TMEM161B: variants seen among roughly 807,000 people sequenced by gnomAD.
TMEM161B encodes transmembrane protein 161B.
In TMEM161B, 34 loss-of-function variants were observed where a neutral mutation model predicts 61.8. The observed-to-expected ratio is 0.55, with a 90% CI of 0.42 to 0.73. TMEM161B has a LOEUF of 0.73. Among genes scored for constraint, TMEM161B ranks in the 30% least tolerant of loss-of-function variants. The pLI, the probability that TMEM161B is intolerant of heterozygous loss-of-function variation, is 0.00. For missense variants in TMEM161B, 456 were observed against 558.5 expected, an observed-to-expected ratio of 0.82 and a Z score of 1.85; for synonymous variants, 167 against 192.8, an observed-to-expected ratio of 0.87 and a Z score of 1.11.
intron 7 of TMEM161B, 127 bp downstream of exon 7, chr5:88,206,312 G>A: frequency 1.4e-6 from 1 of 729,892 alleles, no homozygotes; most frequent in Non-Finnish European, 2.2e-6. Flanking sequence ...GAGTAAGGAT[G>A]TTTCTAGAAG....
At chr5:88,239,452 A>C (rs1019328152) in intron 2 of TMEM161B, among the ~76,000 whole-genome samples, 1 of 151,972 alleles carries the variant, frequency 6.6e-6, no homozygotes, top group Non-Finnish European at 1.5e-5. Context: ...TCTTTTCCTG[A>C]TCTTCGAAAA....
intron 2 of TMEM161B, among the ~76,000 whole-genome samples, chr5:88,237,245 C>G (rs920585256): frequency 7.9e-5 from 12 of 152,146 alleles, no homozygotes; most frequent in Non-Finnish European, 1.8e-4. Context: ...TTGGCCAGAA[C>G]TAGTCACAAG....
intron 1 of TMEM161B, among the ~76,000 whole-genome samples, chr5:88,250,397 CATT>C (rs1754181185): frequency 6.6e-6 from 1 of 152,078 alleles, no homozygotes; most frequent in East Asian, 1.9e-4. Flanking sequence ...AAAAGCCTAT[CATT>C]AATATTTCCC....
At chr5:88,248,800 A>G (rs1753953426) in intron 1 of TMEM161B, among the ~76,000 whole-genome samples, 1 of 152,008 alleles carries the variant, frequency 6.6e-6, no homozygotes, top group Non-Finnish European at 1.5e-5. Flanking sequence ...AAATATATGT[A>G]TAGCTTACCT....
intron 3 of TMEM161B, 56 bp downstream of exon 3, chr5:88,228,389 G>T: frequency 1.6e-6 from 2 of 1,253,488 alleles, no homozygotes; most frequent in East Asian, 2.5e-5. Flanking sequence ...GCATAAAAAT[G>T]TATTTATATA....
At chr5:88,206,947 A>C in intron 6 of TMEM161B, 82 bp downstream of exon 6, 1 of 1,149,450 alleles carries the variant, frequency 8.7e-7, no homozygotes, top group Non-Finnish European at 1.3e-6. Context: ...TATTTATCAG[A>C]CATAAAACTT....
chr5:88,257,189 A>T (rs780806683), intron 1 of TMEM161B, among the ~76,000 whole-genome samples: 37 of 152,124 alleles, frequency 2.4e-4, no homozygotes, highest in Non-Finnish European at 5.1e-4. Context: ...GAATCGCAAG[A>T]CTGGGAGGGG....
chr5:88,248,502 CAG>C (rs1753908634), intron 1 of TMEM161B, among the ~76,000 whole-genome samples: 2 of 152,122 alleles, frequency 1.3e-5, no homozygotes, highest in African/African-American at 4.8e-5. Context: ...CTACACAAAA[CAG>C]AGCAGCAACT....
intron 5 of TMEM161B, 47 bp from the exon 6 acceptor site, chr5:88,207,227 C>T (rs1745677809): frequency 1.9e-6 from 3 of 1,548,940 alleles, no homozygotes; most frequent in Non-Finnish European, 2.6e-6. Flanking sequence ...TTTATAGGAG[C>T]TATACACAAT....
intron 5 of TMEM161B, among the ~76,000 whole-genome samples, chr5:88,207,761 A>G (rs1283915595): frequency 2.0e-5 from 3 of 152,306 alleles, no homozygotes; most frequent in African/African-American, 7.2e-5. Context: ...AACACACACA[A>G]ATTGATTTAA....
At chr5:88,226,852 C>T (rs1171087437) in intron 3 of TMEM161B, among the ~76,000 whole-genome samples, 4 of 152,094 alleles carry the variant, frequency 2.6e-5, no homozygotes, top group Admixed American at 1.3e-4. Context: ...TGCAATGGCT[C>T]GCACCTGTAA....
downstream of TMEM161B, among the ~76,000 whole-genome samples, chr5:88,191,497 T>C (rs1000111495): frequency 3.3e-5 from 5 of 152,070 alleles, no homozygotes; most frequent in African/African-American, 1.2e-4. Context: ...TACTGAAAAA[T>C]AACCAAATGG....
rs927429327 is a variant in TMEM161B, at chr5:88,199,227, CATATAAG to C, written c.915-84_915-78del. ...ATGCTCGTTATATGTTAATGGTCACCATATAAGATATAAGAAGTCTATACTTCGCAAC... is the reference window on the plus strand; with the variant it reads ...ATGCTCGTTATATGTTAATGGTCACCATATAAGAAGTCTATACTTCGCAAC... On this transcript the variant is annotated intron_variant, in intron 9 of 11. Coordinates refer to ENST00000296595, the MANE Select transcript of TMEM161B (RefSeq NM_153354.5). 3.6e-6 allele frequency: 5 copies of C among 1,396,472 alleles called. No individual in the cohort carries two copies. In the African/African-American group the frequency reaches 5.8e-5, roughly 16 times the overall value. 86.5% of individuals were successfully genotyped at this position (1,396,472 alleles called of 1,614,324 possible).
intron 1 of TMEM161B, among the ~76,000 whole-genome samples, chr5:88,242,141 G>C (rs145494116): frequency 6.6e-6 from 1 of 151,430 alleles, no homozygotes; most frequent in East Asian, 1.9e-4. Context: ...TTCCCCGTTC[G>C]ACAGCCTTCT....
chr5:88,210,301 T>C (rs1451764659), intron 5 of TMEM161B, among the ~76,000 whole-genome samples: 1 of 152,176 alleles, frequency 6.6e-6, no homozygotes, highest in Non-Finnish European at 1.5e-5. Flanking sequence ...TGGGAATGTA[T>C]ACAAAAACAT....
At chr5:88,220,522 T>C (rs941607216) in intron 5 of TMEM161B, 41 bp downstream of exon 5, 1 of 1,469,466 alleles carries the variant, frequency 6.8e-7, no homozygotes, top group African/African-American at 1.5e-5. Flanking sequence ...AATGGTGTTA[T>C]CTGCAAAATA....
chr5:88,257,337 T>C (rs564519554), intron 1 of TMEM161B, among the ~76,000 whole-genome samples: 1 of 152,216 alleles, frequency 6.6e-6, no homozygotes, highest in East Asian at 1.9e-4. Flanking sequence ...ATCAAAACTT[T>C]GCTCAAAGTG....
intron 3 of TMEM161B, 81 bp from the exon 4 acceptor site, chr5:88,225,947 G>A (rs533005762): frequency 2.3e-6 from 2 of 877,828 alleles, no homozygotes; most frequent in South Asian, 3.7e-5. Flanking sequence ...AATTACAGAT[G>A]AAGTTTTAAA....
intron 2 of TMEM161B, among the ~76,000 whole-genome samples, chr5:88,230,168 AAAGT>A (rs1258265697): frequency 6.6e-6 from 1 of 152,146 alleles, no homozygotes; most frequent in Non-Finnish European, 1.5e-5. Flanking sequence ...TCTGGGCAAC[AAAGT>A]AAGACCCTAT....
Sources: allele counts gnomAD v4.1 joint callset (sites outside exome capture counted in the v4.1 genomes callset), GRCh38; gene constraint gnomAD v4.1.1; transcripts MANE v1.5; gene names NCBI Gene and HGNC (gene_info 2026-07-23, HGNC 2026-07-21).